The following LRRC4C variants were observed in gnomAD, a reference collection of about 807,000 sequenced individuals.
LRRC4C encodes the protein leucine rich repeat containing 4C.
In LRRC4C, 5 loss-of-function variants were observed where a neutral mutation model predicts 33.6. The observed-to-expected ratio is 0.15, with a 90% CI of 0.08 to 0.31. The LOEUF is 0.31. Among genes scored for constraint, LRRC4C ranks in the 10% least tolerant of loss-of-function variants. The probability of loss-of-function intolerance (pLI) is 1.00; values close to 1 mark genes in which losing one functional copy is unlikely to be tolerated. For synonymous variants in LRRC4C, 329 were observed against 302.0 expected (o/e 1.09, Z -0.93); for missense variants, 560 against 796.7 (o/e 0.70, Z 3.58).
chr11:40,632,359 C>T (rs1043755732), intron 3 of LRRC4C, among the ~76,000 whole-genome samples: 17 of 152,244 alleles, frequency 1.1e-4, no homozygotes, highest in African/African-American at 3.1e-4. Flanking sequence ...TGGTAATTTG[C>T]GGAACTCAAT....
At chr11:41,106,838 A>G (rs967644126) in intron 1 of LRRC4C, among the ~76,000 whole-genome samples, 3 of 151,896 alleles carry the variant, frequency 2.0e-5, no homozygotes, top group Admixed American at 2.0e-4. Flanking sequence ...CAAGATGGCG[A>G]GACCCTACTT....
chr11:40,447,771 T>C (rs1951705118), intron 3 of LRRC4C, among the ~76,000 whole-genome samples: 1 of 151,936 alleles, frequency 6.6e-6, no homozygotes, highest in African/African-American at 2.4e-5. Flanking sequence ...CTGTAGAGCT[T>C]AACTGCCAAA....
chr11:41,455,409 C>T (rs1033831790), intron 1 of LRRC4C, among the ~76,000 whole-genome samples: 6 of 152,004 alleles, frequency 3.9e-5, no homozygotes, highest in Non-Finnish European at 5.9e-5. Flanking sequence ...AATTATGCCT[C>T]ATATAGATTG....
intron 1 of LRRC4C, among the ~76,000 whole-genome samples, chr11:40,972,618 C>T (rs1486671217): frequency 6.6e-6 from 1 of 152,112 alleles, no homozygotes; most frequent in African/African-American, 2.4e-5. Context: ...AAGAAACTTA[C>T]AATTACGGCA....
intron 3 of LRRC4C, among the ~76,000 whole-genome samples, chr11:40,501,878 C>T (rs1954792376): frequency 6.6e-6 from 1 of 152,190 alleles, no homozygotes; most frequent in African/African-American, 2.4e-5. Context: ...TCTCTTCTAT[C>T]CTATTGTCAG....
intron 1 of LRRC4C, among the ~76,000 whole-genome samples, chr11:41,106,915 G>A (rs1162298694): frequency 6.6e-6 from 1 of 151,792 alleles, no homozygotes; most frequent in African/African-American, 2.4e-5. Context: ...TGGGAGGGTG[G>A]GGCAGGAGGA....
At chr11:41,073,257 C>A (rs1360301434) in intron 1 of LRRC4C, among the ~76,000 whole-genome samples, 1 of 152,012 alleles carries the variant, frequency 6.6e-6, no homozygotes, top group Non-Finnish European at 1.5e-5. Context: ...CCACTCACAG[C>A]AGAAGGAAAA....
At position 41,123,256 on chromosome 11, in the gene LRRC4C, G is replaced by GTTTTTTT. The variant is rs1456350828; in HGVS notation, c.-495-189534_-495-189533insAAAAAAA. 3.4e-3 allele frequency among the ~76,000 whole-genome samples: 359 copies of GTTTTTTT among 107,084 alleles called. 63 individuals are homozygous for GTTTTTTT. The highest frequency in any genetic ancestry group is 9.4e-3 in the African/African-American group (239 of 25,304). The allele number at this position is 107,084 out of a possible 152,430, so 70.3% of individuals were successfully genotyped here. On this transcript the variant is annotated intron_variant, in intron 1 of 6. Transcript: ENST00000528697. ...AAATGCTTTCTCTATCCTGAGCTAT[G>GTTTTTTT]TTTTGTTTTTTTTTTTTTTTTTTTT...
chr11:40,770,795 A>C (rs1259307827), intron 2 of LRRC4C, among the ~76,000 whole-genome samples: 1 of 152,166 alleles, frequency 6.6e-6, no homozygotes, highest in South Asian at 2.1e-4. Context: ...TTCAATCTTA[A>C]AGTTCCAAAC....
chr11:40,392,506 T>G (rs1486953633), intron 3 of LRRC4C, among the ~76,000 whole-genome samples: 1 of 152,092 alleles, frequency 6.6e-6, no homozygotes, highest in African/African-American at 2.4e-5. Flanking sequence ...TCTATTAATT[T>G]TTTAAAATAA....
chr11:40,419,571 T>C (rs1051528207), intron 3 of LRRC4C, among the ~76,000 whole-genome samples: 1 of 152,122 alleles, frequency 6.6e-6, no homozygotes, highest in Non-Finnish European at 1.5e-5. Context: ...CCTTCAGGAA[T>C]AAAAGTAAAA....
At chr11:41,459,238 G>T (rs529129836) in intron 1 of LRRC4C, among the ~76,000 whole-genome samples, 193 bp downstream of exon 1, 8 of 152,050 alleles carry the variant, frequency 5.3e-5, no homozygotes, top group Non-Finnish European at 1.0e-4. Flanking sequence ...AGGAATGGGG[G>T]GATGGTTATA....
intron 2 of LRRC4C, among the ~76,000 whole-genome samples, chr11:40,919,102 G>A (rs978108510): frequency 6.6e-6 from 1 of 152,172 alleles, no homozygotes; most frequent in African/African-American, 2.4e-5. Context: ...CTTGAAGCCA[G>A]TAGTTAATTC....
At chr11:41,445,865 C>CGTGTGTGTGTGTGT (rs748457357) in intron 1 of LRRC4C, among the ~76,000 whole-genome samples, 6,632 of 135,452 alleles carry the variant, frequency 0.049, 202 homozygotes, top group Non-Finnish European at 0.057. Context: ...TGAGTGACTG[C>CGTGTGTGTGTGTGT]ATGTGTGTGT....
At chr11:40,988,881 T>C (rs1381932867) in intron 1 of LRRC4C, among the ~76,000 whole-genome samples, 1 of 151,826 alleles carries the variant, frequency 6.6e-6, no homozygotes, top group Non-Finnish European at 1.5e-5. Context: ...CACGCCCGGC[T>C]AATTCTGTTT....
chr11:41,258,476 C>A (rs1045665839), intron 1 of LRRC4C, among the ~76,000 whole-genome samples: 13 of 151,972 alleles, frequency 8.6e-5, no homozygotes, highest in Admixed American at 7.9e-4. Context: ...TATATTATCT[C>A]ATGACATAAG....
At chr11:41,080,935 C>A (rs946122706) in intron 1 of LRRC4C, among the ~76,000 whole-genome samples, 4 of 151,970 alleles carry the variant, frequency 2.6e-5, no homozygotes, top group African/African-American at 9.7e-5. Context: ...ATTGTTTTAC[C>A]CTAATAATTC....
At chr11:40,183,143 C>A (rs557823705) in intron 5 of LRRC4C, among the ~76,000 whole-genome samples, 34 of 152,162 alleles carry the variant, frequency 2.2e-4, no homozygotes, top group African/African-American at 7.9e-4. Flanking sequence ...TGGTAACATC[C>A]AGGAAAATGT....
At chr11:40,369,616 G>A (rs546307896) in intron 3 of LRRC4C, among the ~76,000 whole-genome samples, 1 of 152,210 alleles carries the variant, frequency 6.6e-6, no homozygotes, top group Non-Finnish European at 1.5e-5. Context: ...GGGATTAAAG[G>A]CGTAAGCCAA....
Sources: gnomAD v4.1 joint callset for allele counts (sites outside exome capture counted in the v4.1 genomes callset) on GRCh38, gnomAD v4.1.1 for gene constraint, MANE v1.5 for transcripts, NCBI Gene and HGNC (gene_info 2026-07-23, HGNC 2026-07-21) for gene names.